DNAJC5B: variants seen among roughly 807,000 people sequenced by gnomAD.
DNAJC5B encodes dnaJ homolog subfamily C member 5B.
In DNAJC5B, 23 loss-of-function variants were observed where a neutral mutation model predicts 24.7. The observed-to-expected ratio is 0.93, with a 90% CI of 0.67 to 1.32. DNAJC5B has a LOEUF of 1.32. DNAJC5B is among the 40% of genes most tolerant of loss of function. DNAJC5B has a pLI of 0.00. For missense variants in DNAJC5B, 238 were observed against 240.8 expected (o/e 0.99, Z 0.08); for synonymous variants, 101 against 90.1 (o/e 1.12, Z -0.68).
At chr8:66,043,922 G>A (rs1222685365) in intron 2 of DNAJC5B, among the ~76,000 whole-genome samples, 1 of 151,046 alleles carries the variant, frequency 6.6e-6, no homozygotes, top group African/African-American at 2.4e-5. Flanking sequence ...TGCCTCCCAG[G>A]TTCAAGTGAT....
intron 3 of DNAJC5B, among the ~76,000 whole-genome samples, chr8:66,062,139 C>T (rs1807097308): frequency 6.6e-6 from 1 of 152,242 alleles, no homozygotes; most frequent in Non-Finnish European, 1.5e-5. Flanking sequence ...TCAGCCCTAG[C>T]ACCATGCTAG....
chr8:66,036,279 T>C (rs942415487), intron 1 of DNAJC5B, among the ~76,000 whole-genome samples: 3 of 152,128 alleles, frequency 2.0e-5, no homozygotes, highest in African/African-American at 7.2e-5. Context: ...TTTGTTGTCA[T>C]TTGCTACCTG....
chr8:66,031,658 T>C (rs1806363180), intron 1 of DNAJC5B, among the ~76,000 whole-genome samples: 1 of 152,168 alleles, frequency 6.6e-6, no homozygotes, highest in African/African-American at 2.4e-5. Flanking sequence ...AATGTTTCAG[T>C]TTGAGTCTGG....
chr8:66,042,753 C>G (rs894164841), intron 1 of DNAJC5B, among the ~76,000 whole-genome samples: 1 of 137,496 alleles, frequency 7.3e-6, no homozygotes, highest in Non-Finnish European at 1.5e-5. Flanking sequence ...TCTTCTTCCT[C>G]TTCTGTGATG....
At chr8:66,099,229 G>A (rs1175038817) in intron 5 of DNAJC5B, among the ~76,000 whole-genome samples, 1 of 151,852 alleles carries the variant, frequency 6.6e-6, no homozygotes, top group African/African-American at 2.4e-5. Flanking sequence ...ATCATCTTGA[G>A]GTTTCTCAGA....
At chr8:66,033,682 G>A (rs998980063) in intron 1 of DNAJC5B, among the ~76,000 whole-genome samples, 3 of 150,618 alleles carry the variant, frequency 2.0e-5, no homozygotes, top group Admixed American at 6.6e-5. Context: ...TCTACCAGCC[G>A]AACACTTCCA....
At chr8:66,097,219 T>C (rs1202986179) in intron 5 of DNAJC5B, among the ~76,000 whole-genome samples, 1 of 151,684 alleles carries the variant, frequency 6.6e-6, no homozygotes, top group Non-Finnish European at 1.5e-5. Flanking sequence ...TTTTTTTCTT[T>C]TAAATTGTCA....
At chr8:66,073,581 A>G (rs1807397438) in intron 3 of DNAJC5B, among the ~76,000 whole-genome samples, 1 of 152,176 alleles carries the variant, frequency 6.6e-6, no homozygotes, top group Non-Finnish European at 1.5e-5. Context: ...GAATAACCAC[A>G]GAACTCTTGA....
chr8:66,080,679 T>C, intron 5 of DNAJC5B, 131 bp downstream of exon 5: 1 of 745,860 alleles, frequency 1.3e-6, no homozygotes, highest in Middle Eastern at 3.8e-4. Context: ...TCACAGACTG[T>C]CAGCTTTGGT....
chr8:66,026,661 C>T (rs1039466979), intron 1 of DNAJC5B, among the ~76,000 whole-genome samples: 1 of 152,236 alleles, frequency 6.6e-6, no homozygotes, highest in African/African-American at 2.4e-5. Flanking sequence ...GCCTTTGTAA[C>T]CTGAGGCCTG....
At chr8:66,063,650 C>T (rs182675602) in intron 3 of DNAJC5B, among the ~76,000 whole-genome samples, 1 of 152,204 alleles carries the variant, frequency 6.6e-6, no homozygotes, top group Admixed American at 6.5e-5. Context: ...TCATGCAGTG[C>T]CAATCTCAGT....
intron 3 of DNAJC5B, among the ~76,000 whole-genome samples, chr8:66,062,720 A>G (rs116275113): frequency 0.016 from 2,389 of 152,308 alleles, 54 homozygotes; most frequent in African/African-American, 0.054. Context: ...CCAGTAATTT[A>G]GGAGGCTGAA....
At chr8:66,066,606 A>G (rs1260541486) in intron 3 of DNAJC5B, among the ~76,000 whole-genome samples, 1 of 152,220 alleles carries the variant, frequency 6.6e-6, no homozygotes, top group Non-Finnish European at 1.5e-5. Context: ...GGAGGCCATT[A>G]TTCTAAATAG....
intron 5 of DNAJC5B, among the ~76,000 whole-genome samples, chr8:66,087,693 G>A (rs923973983): frequency 8.5e-5 from 13 of 152,210 alleles, no homozygotes; most frequent in African/African-American, 2.9e-4. Context: ...CCCCAGACAA[G>A]TCTGAAACCT....
At chr8:66,070,875 C>T (rs1025221031) in intron 3 of DNAJC5B, among the ~76,000 whole-genome samples, 1 of 152,158 alleles carries the variant, frequency 6.6e-6, no homozygotes, top group South Asian at 2.1e-4. Flanking sequence ...TGGAACAGAA[C>T]AGAGGCCTCA....
At chr8:66,080,193 T>C (rs2128964569) in intron 4 of DNAJC5B, among the ~76,000 whole-genome samples, 184 bp from the exon 5 acceptor site, 1 of 152,202 alleles carries the variant, frequency 6.6e-6, no homozygotes, top group Middle Eastern at 3.4e-3. Context: ...TACCAGGAAA[T>C]TGGTTTCTAA....
intron 5 of DNAJC5B, among the ~76,000 whole-genome samples, chr8:66,085,896 A>T (rs1457513258): frequency 6.6e-6 from 1 of 152,110 alleles, no homozygotes; most frequent in Non-Finnish European, 1.5e-5. Flanking sequence ...AAGAATTGAC[A>T]TCTTTACTAT....
chr8:66,034,006 G>T (rs772302946), intron 1 of DNAJC5B, among the ~76,000 whole-genome samples: 3 of 151,962 alleles, frequency 2.0e-5, no homozygotes, highest in Non-Finnish European at 4.4e-5. Context: ...CCCTTGCTCC[G>T]TTAATAACTG....
chr8:66,066,724 G>A (rs541235045), intron 3 of DNAJC5B, among the ~76,000 whole-genome samples: 1 of 152,008 alleles, frequency 6.6e-6, no homozygotes, highest in Non-Finnish European at 1.5e-5. Flanking sequence ...GACTCAGAAG[G>A]GGGAGGGTAG....
Sources: allele counts gnomAD v4.1 joint callset (sites outside exome capture counted in the v4.1 genomes callset), GRCh38; gene constraint gnomAD v4.1.1; transcripts MANE v1.5; gene names NCBI Gene and HGNC (gene_info 2026-07-23, HGNC 2026-07-21).